The following PRDX6 variants were observed in gnomAD, a reference collection of about 807,000 sequenced individuals.
The protein encoded by PRDX6 is peroxiredoxin-6.
In PRDX6, 13 loss-of-function variants were observed where a neutral mutation model predicts 20.0. The ratio of observed to expected loss-of-function variants is 0.65; its 90% CI spans 0.42 to 1.03. The LOEUF (loss-of-function observed/expected upper bound fraction) is 1.03. Ranked by LOEUF, PRDX6 falls within the 50% of genes least tolerant of loss-of-function variation. PRDX6 has a pLI of 0.00. For synonymous variants in PRDX6, 85 were observed against 100.8 expected, an observed-to-expected ratio of 0.84 and a Z score of 0.94; for missense variants, 203 against 276.9, an observed-to-expected ratio of 0.73 and a Z score of 1.89.
In PRDX6 at chr1:173,488,000, G is replaced by T; in HGVS notation, c.*137G>T. On this transcript the variant is annotated 3_prime_UTR_variant, in exon 5 of 5. Transcript: ENST00000340385. ...TTGCTATACCAATGGCTTATTAAATGAAAATGGCACTAAAAGTTTCTTGAG... is the reference window on the plus strand; with the variant it reads ...TTGCTATACCAATGGCTTATTAAATTAAAATGGCACTAAAAGTTTCTTGAG... 9.7e-7 allele frequency: 1 copy of T among 1,035,336 alleles called. No homozygotes were observed. 64.1% of individuals were successfully genotyped at this position (1,035,336 alleles called of 1,614,324 possible). A position where few individuals can be genotyped will look rare whatever the true frequency, so the allele number is the denominator to read the frequency against.
chr1:173,487,604 A>G (rs1658921121), intron 4 of PRDX6, 131 bp from the exon 5 acceptor site: 1 of 1,032,480 alleles, frequency 9.7e-7, no homozygotes, highest in African/African-American at 1.6e-5. Flanking sequence ...CAAAATCCTC[A>G]CAGAGGGGAG....
chr1:173,484,963 A>G (rs1160603446), intron 2 of PRDX6, among the ~76,000 whole-genome samples: 1 of 151,600 alleles, frequency 6.6e-6, no homozygotes, highest in Non-Finnish European at 1.5e-5. Context: ...TTATTTCTAG[A>G]TGTGATGGAT....
chr1:173,479,614 T>G (rs1317156812), intron 1 of PRDX6, among the ~76,000 whole-genome samples: 1 of 152,108 alleles, frequency 6.6e-6, no homozygotes, highest in African/African-American at 2.4e-5. Context: ...TTTCCAGGGG[T>G]CTTCTGGGGC....
rs1658940097 is a variant in PRDX6, at chr1:173,488,463, C to T, written c.*600C>T. 6.6e-6 allele frequency: 1 copy of T among 152,098 alleles called. No homozygotes were observed. The allele number at this position is 152,098 out of a possible 1,614,324, so 9.4% of individuals were successfully genotyped here. On this transcript the variant is annotated 3_prime_UTR_variant, in exon 5 of 5. Coordinates refer to ENST00000340385, the MANE Select transcript of PRDX6 (RefSeq NM_004905.3). ...GGAAAAAAAGCTTTTTAATTCTATACCTTCCTAGTAGATAAGTGAAGAGCA... is the reference window on the plus strand; with the variant it reads ...GGAAAAAAAGCTTTTTAATTCTATATCTTCCTAGTAGATAAGTGAAGAGCA...
chr1:173,487,818 G>T lies in PRDX6; in HGVS notation c.630G>T (p.Glu210Asp). ...TCCCGAAAGGAGTCTTCACCAAAGA[G>T]CTCCCATCTGGCAAGAAATACCTCC... is the stretch of plus-strand genomic sequence containing the variant. ...KLFPKGVFTK[E>D]LPSGKKYLRY... is the part of the protein sequence containing the mutation. The change falls in exon 5 of 5, where the codon GAG becomes GAT. Residue 210 changes from glutamate to aspartate, a missense_variant. By Grantham distance (45) the Glu-to-Asp change is conservative. Transcript: ENST00000340385. 2 of 1,613,716 alleles carry T rather than the reference G, an allele frequency of 1.2e-6. No homozygotes were observed. Among genetic ancestry groups the T allele is most frequent in the Non-Finnish European group, 1.7e-6 (2 of 1,180,026 alleles).
intron 1 of PRDX6, among the ~76,000 whole-genome samples, chr1:173,479,987 G>T (rs544582010): frequency 7.9e-5 from 12 of 152,268 alleles, no homozygotes; most frequent in African/African-American, 2.9e-4. Context: ...AACTTCTGGA[G>T]ACCTTCTGTT....
intron 1 of PRDX6, among the ~76,000 whole-genome samples, chr1:173,478,698 A>C (rs1295437446): frequency 6.6e-6 from 1 of 152,194 alleles, no homozygotes; most frequent in African/African-American, 2.4e-5. Flanking sequence ...TACAGTATCC[A>C]GGGAGACAGG....
chr1:173,484,911 G>C lies in PRDX6; in HGVS notation c.253-450G>C, dbSNP rs557195706. The stretch of plus-strand genomic sequence containing the variant: ...TAGCATCTGAGTCAGGGTGCTTTAT[G>C]AGGTAGGGACCAGATCTATAAGATT... On this transcript the variant is annotated intron_variant, in intron 2 of 4. Transcript: ENST00000340385. Among the ~76,000 whole-genome samples the C allele has an allele frequency of 3.4e-5, 5 of 149,220 alleles. No homozygotes were observed. The East Asian group carries it at 9.9e-4, about 29-fold the overall frequency.
intron 2 of PRDX6, among the ~76,000 whole-genome samples, chr1:173,483,946 C>CA (rs961318371): frequency 2.0e-5 from 3 of 149,020 alleles, no homozygotes; most frequent in Non-Finnish European, 3.0e-5. Flanking sequence ...ACTAAAAATA[C>CA]AAAAAAAAAT....
intron 2 of PRDX6, 164 bp downstream of exon 2, chr1:173,481,646 C>A: frequency 1.4e-6 from 1 of 708,868 alleles, no homozygotes; most frequent in Admixed American, 2.9e-5. Context: ...TTGCTAAATC[C>A]ATTGGTCAGT....
intron 1 of PRDX6, among the ~76,000 whole-genome samples, chr1:173,478,654 C>T (rs1658749614): frequency 6.6e-6 from 1 of 152,152 alleles, no homozygotes; most frequent in Non-Finnish European, 1.5e-5. Flanking sequence ...CAAGGCTTGA[C>T]AACAGTTCTT....
At chr1:173,484,116 CAAAAA>C (rs1231778337) in intron 2 of PRDX6, among the ~76,000 whole-genome samples, 1 of 50,452 alleles carries the variant, frequency 2.0e-5, no homozygotes, top group Non-Finnish European at 3.6e-5. Context: ...GACTCTGTCT[CAAAAA>C]AAAAAAAAAA....
intron 1 of PRDX6, among the ~76,000 whole-genome samples, chr1:173,480,127 C>G (rs1658777311): frequency 6.6e-6 from 1 of 152,190 alleles, no homozygotes; most frequent in African/African-American, 2.4e-5. Context: ...GTAAAGTGAA[C>G]ATAGTGCACA....
intron 2 of PRDX6, 189 bp downstream of exon 2, chr1:173,481,671 C>T: frequency 3.3e-6 from 2 of 603,802 alleles, no homozygotes; most frequent in Non-Finnish European, 5.7e-6. Context: ...TCTCAGCCCT[C>T]CTCTTGGCCT....
rs1164816578 is a variant in PRDX6 at position 173,477,490 on chromosome 1, C to T, written c.93C>T (p.Asp31=). 4 of 1,600,788 alleles carry T rather than the reference C, an allele frequency of 2.5e-6. No homozygotes were observed. The highest frequency in any genetic ancestry group is 3.4e-6 in the Non-Finnish European group (4 of 1,174,040). The change falls in exon 1 of 5, where the codon GAC becomes GAT. Residue 31 remains aspartate, a splice_region_variant and synonymous_variant. Transcript: ENST00000340385. ...TCCGTTTCCACGACTTTCTGGGAGA[C>T]TCGTAAGTGGCCACCGCGTAGCCCT... ...GRIRFHDFLG[D]SWGILFSHPR... is the part of the protein sequence containing the mutation.
chr1:173,478,491 T>G (rs1658745168), intron 1 of PRDX6, among the ~76,000 whole-genome samples: 1 of 152,164 alleles, frequency 6.6e-6, no homozygotes, highest in Admixed American at 6.5e-5. Flanking sequence ...CCATTATGGA[T>G]AGGAGTAGTA....
intron 1 of PRDX6, chr1:173,481,058 G>C: frequency 2.7e-6 from 1 of 373,682 alleles, no homozygotes; most frequent in Non-Finnish European, 4.9e-6. Context: ...AATTATTAAA[G>C]GAGGCAACAC....
Position 173,487,724 on chromosome 1 carries a change from TC to T in PRDX6, c.547-10del. On this transcript the variant is annotated splice_polypyrimidine_tract_variant and intron_variant, in intron 4 of 4. Transcript: ENST00000340385. ...AGATTGAATTTCACCATTCTCAATG[TC>T]TTTCAATAGGATGGGGATAGTGTGA... is the stretch of plus-strand genomic sequence containing the variant. The T allele has an allele frequency of 6.2e-7, 1 of 1,613,662 alleles. No individual in the cohort carries two copies.
chr1:173,481,614 G>T, intron 2 of PRDX6, 132 bp downstream of exon 2: 1 of 956,484 alleles, frequency 1.0e-6, no homozygotes, highest in Non-Finnish European at 1.6e-6. Flanking sequence ...GAAAATTTCA[G>T]TTGAACCACA....
Sources: allele counts gnomAD v4.1 joint callset (sites outside exome capture counted in the v4.1 genomes callset), GRCh38; gene constraint gnomAD v4.1.1; transcripts MANE v1.5; gene names NCBI Gene and HGNC (gene_info 2026-07-23, HGNC 2026-07-21).